Variants in CTNNA3 observed in about 807,000 individuals in gnomAD.
CTNNA3 encodes the protein catenin alpha-3.
CTNNA3 carries 76 observed loss-of-function variants against 95.7 expected under a neutral mutation model. That is an observed-to-expected ratio of 0.79 (90% CI 0.66 to 0.96). CTNNA3 has a LOEUF of 0.96. Ranked by LOEUF, CTNNA3 falls within the 40% of genes least tolerant of loss-of-function variation. The pLI, the probability that CTNNA3 is intolerant of heterozygous loss-of-function variation, is 0.00. For synonymous variants in CTNNA3, 431 were observed against 374.4 expected, an observed-to-expected ratio of 1.15 and a Z score of -1.74; for missense variants, 1,191 against 1,089.8, an observed-to-expected ratio of 1.09 and a Z score of -1.31.
chr10:67,738,835 G>A (rs1455798168), intron 1 of CTNNA3, among the ~76,000 whole-genome samples: 2 of 152,106 alleles, frequency 1.3e-5, no homozygotes, highest in East Asian at 1.9e-4. Flanking sequence ...TGGAAGAAAG[G>A]GTATCAGTGA....
intron 11 of CTNNA3, among the ~76,000 whole-genome samples, chr10:66,390,802 C>A (rs2092928073): frequency 6.6e-6 from 1 of 152,074 alleles, no homozygotes; most frequent in South Asian, 2.1e-4. Context: ...TAAATAATAT[C>A]CCACAGAAAG....
chr10:67,277,546 A>G (rs772400902), intron 5 of CTNNA3, among the ~76,000 whole-genome samples: 4 of 152,092 alleles, frequency 2.6e-5, no homozygotes, highest in Non-Finnish European at 5.9e-5. Context: ...TGGGTAAAAT[A>G]AGGCTGAGAC....
At chr10:66,513,201 C>T (rs895980651) in intron 11 of CTNNA3, among the ~76,000 whole-genome samples, 4 of 151,994 alleles carry the variant, frequency 2.6e-5, no homozygotes, top group African/African-American at 9.7e-5. Context: ...CATTTTTATT[C>T]TTTTTTCTCT....
intron 13 of CTNNA3, among the ~76,000 whole-genome samples, chr10:66,245,663 C>T (rs944716163): frequency 6.6e-6 from 1 of 152,172 alleles, no homozygotes; most frequent in African/African-American, 2.4e-5. Flanking sequence ...TGGGAAGCTC[C>T]TCTCCAGGCA....
chr10:67,233,817 T>C (rs548356324), intron 5 of CTNNA3, among the ~76,000 whole-genome samples: 1 of 151,560 alleles, frequency 6.6e-6, no homozygotes, highest in Non-Finnish European at 1.5e-5. Flanking sequence ...CAATAAAAAA[T>C]GATAAAGGGG....
intron 10 of CTNNA3, among the ~76,000 whole-genome samples, chr10:66,617,939 C>A (rs1844585518): frequency 6.6e-6 from 1 of 151,578 alleles, no homozygotes; most frequent in Admixed American, 6.6e-5. Flanking sequence ...AGAGCCAAAT[C>A]ATGAGTGAAC....
chr10:66,301,881 G>A (rs1383052512), intron 12 of CTNNA3, among the ~76,000 whole-genome samples: 1 of 151,870 alleles, frequency 6.6e-6, no homozygotes, highest in African/African-American at 2.4e-5. Flanking sequence ...ATTCAGACTT[G>A]GAAGGAAGAT....
chr10:66,972,578 T>G (rs1849783581), intron 7 of CTNNA3, among the ~76,000 whole-genome samples: 1 of 152,162 alleles, frequency 6.6e-6, no homozygotes, highest in Non-Finnish European at 1.5e-5. Context: ...CAGATTGTTT[T>G]ATTACTTCAG....
chr10:66,790,525 G>T (rs1840928834), intron 7 of CTNNA3, among the ~76,000 whole-genome samples: 2 of 152,088 alleles, frequency 1.3e-5, no homozygotes, highest in Non-Finnish European at 2.9e-5. Flanking sequence ...GAGAGACAAA[G>T]GCTAAAGAGT....
chr10:66,718,866 T>G (rs1848538212), intron 9 of CTNNA3, among the ~76,000 whole-genome samples: 1 of 152,104 alleles, frequency 6.6e-6, no homozygotes, highest in Non-Finnish European at 1.5e-5. Flanking sequence ...CACTGACAAT[T>G]GTTTGTTAAA....
chr10:65,948,659 T>C (rs2077562244), intron 17 of CTNNA3, among the ~76,000 whole-genome samples: 1 of 152,144 alleles, frequency 6.6e-6, no homozygotes, highest in African/African-American at 2.4e-5. Flanking sequence ...TAACTTCAGG[T>C]TTTATTGAGG....
At chr10:66,538,654 A>T (rs10997223) in intron 10 of CTNNA3, among the ~76,000 whole-genome samples, 16,951 of 152,180 alleles carry the variant, frequency 0.11, 1,677 homozygotes, top group East Asian at 0.56. Flanking sequence ...TCAAAAGGTC[A>T]CTTACATATG....
intron 17 of CTNNA3, among the ~76,000 whole-genome samples, chr10:65,935,134 T>C (rs1339901419): frequency 6.6e-6 from 1 of 152,144 alleles, no homozygotes; most frequent in Non-Finnish European, 1.5e-5. Flanking sequence ...ATTGCTAAGC[T>C]CTAGAAAATT....
At chr10:66,493,074 T>C (rs1030944050) in intron 11 of CTNNA3, among the ~76,000 whole-genome samples, 25 of 152,068 alleles carry the variant, frequency 1.6e-4, no homozygotes, top group Admixed American at 6.5e-5. Context: ...TCTAGGGAAA[T>C]GTAGTGAGAA....
At chr10:66,595,403 G>A (rs2132240650) in intron 10 of CTNNA3, among the ~76,000 whole-genome samples, 1 of 151,994 alleles carries the variant, frequency 6.6e-6, no homozygotes, top group East Asian at 1.9e-4. Context: ...GAGTGCAGTG[G>A]CGCGTTCTTG....
intron 7 of CTNNA3, among the ~76,000 whole-genome samples, chr10:67,051,440 A>ATCTTTTT (rs1264400453): frequency 1.4e-5 from 2 of 147,456 alleles, no homozygotes; most frequent in African/African-American, 2.5e-5. Flanking sequence ...TTCCTTACAC[A>ATCTTTTT]TCTTTTTTCT....
At chr10:66,834,159 G>T (rs182251466) in intron 7 of CTNNA3, among the ~76,000 whole-genome samples, 1 of 152,106 alleles carries the variant, frequency 6.6e-6, no homozygotes, top group Non-Finnish European at 1.5e-5. Flanking sequence ...TTCTACAGTT[G>T]AGCTAATAGC....
At chr10:66,171,565 T>C (rs977518555) in intron 13 of CTNNA3, among the ~76,000 whole-genome samples, 2 of 151,502 alleles carry the variant, frequency 1.3e-5, no homozygotes, top group Non-Finnish European at 2.9e-5. Flanking sequence ...AAAAATTTAA[T>C]ATAAAAAATG....
Position 67,316,836 on chromosome 10 carries a change from TAC to T in CTNNA3, c.580-96968_580-96967del, listed in dbSNP as rs1841073175. 7.9e-5 allele frequency among the ~76,000 whole-genome samples: 12 copies of T among 152,340 alleles called. No homozygotes were observed. In the South Asian group the frequency reaches 2.5e-3, roughly 32 times the overall value. ...ATATAAAGTATTTTTTAAATGCCTA[TAC>T]TTCCAAATCCATATAATAATTAAGT... is the stretch of plus-strand genomic sequence containing the variant. On this transcript the variant is annotated intron_variant, in intron 5 of 17. Transcript: ENST00000433211.
Sources: gnomAD v4.1 joint callset for allele counts (sites outside exome capture counted in the v4.1 genomes callset) on GRCh38, gnomAD v4.1.1 for gene constraint, MANE v1.5 for transcripts, NCBI Gene and HGNC (gene_info 2026-07-23, HGNC 2026-07-21) for gene names.